Variants in TNR observed in about 807,000 individuals in gnomAD.
TNR encodes the protein tenascin-R.
In TNR, 45 loss-of-function variants were observed where a neutral mutation model predicts 150.4. The observed-to-expected ratio is 0.30, with a 90% CI of 0.24 to 0.38. The LOEUF is 0.38. Ranked by LOEUF, TNR falls within the 10% of genes least tolerant of loss-of-function variation. TNR has a pLI of 1.00. For missense variants in TNR, 1,544 were observed against 1,759.1 expected, an observed-to-expected ratio of 0.88 and a Z score of 2.19; for synonymous variants, 687 against 678.4, an observed-to-expected ratio of 1.01 and a Z score of -0.20.
chr1:175,600,062 G>A (rs987709185), intron 1 of TNR, among the ~76,000 whole-genome samples: 6 of 152,190 alleles, frequency 3.9e-5, no homozygotes, highest in African/African-American at 1.2e-4. Flanking sequence ...TGGTTAATTA[G>A]CACAGACTCT....
intron 1 of TNR, among the ~76,000 whole-genome samples, chr1:175,552,457 T>C (rs1201276739): frequency 2.0e-5 from 3 of 152,208 alleles, no homozygotes; most frequent in Non-Finnish European, 4.4e-5. Flanking sequence ...GCACATATGT[T>C]ATCTCGTTTG....
chr1:175,715,580 G>C (rs943759762), intron 1 of TNR, among the ~76,000 whole-genome samples: 1 of 152,190 alleles, frequency 6.6e-6, no homozygotes, highest in Non-Finnish European at 1.5e-5. Context: ...ACTCTTGAAG[G>C]CTGAGTATCA....
At chr1:175,578,900 GA>G (rs1453873219) in intron 1 of TNR, among the ~76,000 whole-genome samples, 2 of 152,178 alleles carry the variant, frequency 1.3e-5, no homozygotes, top group Non-Finnish European at 2.9e-5. Context: ...TGTCTAGGCA[GA>G]AGCCCCCTCC....
chr1:175,627,247 A>C (rs1406586803), intron 1 of TNR, among the ~76,000 whole-genome samples: 1 of 152,232 alleles, frequency 6.6e-6, no homozygotes, highest in African/African-American at 2.4e-5. Context: ...CCCTGGATTG[A>C]GAGTAAATGC....
At chr1:175,546,650 C>T (rs755222122) in intron 1 of TNR, among the ~76,000 whole-genome samples, 4 of 152,170 alleles carry the variant, frequency 2.6e-5, no homozygotes, top group Non-Finnish European at 5.9e-5. Context: ...GTGTGAGTGG[C>T]CTTTCATCAC....
intron 1 of TNR, among the ~76,000 whole-genome samples, chr1:175,589,009 G>T (rs1398105169): frequency 6.6e-6 from 1 of 152,010 alleles, no homozygotes. Context: ...CTGCCTGGGG[G>T]ATACCCATTC....
intron 18 of TNR, among the ~76,000 whole-genome samples, chr1:175,348,885 A>G (rs1450171841): frequency 6.6e-6 from 1 of 152,238 alleles, no homozygotes; most frequent in East Asian, 1.9e-4. Context: ...TCAAATAATA[A>G]TAGCTAATAT....
At chr1:175,710,983 C>T (rs572312270) in intron 1 of TNR, among the ~76,000 whole-genome samples, 61 of 150,800 alleles carry the variant, frequency 4.0e-4, no homozygotes, top group South Asian at 4.2e-4. Flanking sequence ...TATACGGCAC[C>T]TCCTCCACTT....
chr1:175,315,812 ATG>A lies in TNR; in HGVS notation c.*7543_*7544del, dbSNP rs3030866. The A allele has an allele frequency of 0.65, 95,569 of 146,742 alleles. 30,892 individuals are homozygous for A. Among genetic ancestry groups the A allele is most frequent in the South Asian group, 0.72 (3,258 of 4,550 alleles). The allele number at this position is 146,742 out of a possible 1,614,324, so 9.1% of individuals were successfully genotyped here. A position where few individuals can be genotyped will look rare whatever the true frequency, so the allele number is the denominator to read the frequency against. On this transcript the variant is annotated 3_prime_UTR_variant, in exon 23 of 23. Transcript: ENST00000367674. ...TGTGTGCATGCATGTGTGTGTGTGC[ATG>A]TGTGTGTGTGTGTGTGTGTGTGTGT...
chr1:175,514,525 C>T (rs548532436), intron 2 of TNR, among the ~76,000 whole-genome samples: 1 of 152,318 alleles, frequency 6.6e-6, no homozygotes, highest in Non-Finnish European at 1.5e-5. Flanking sequence ...CAGATACATC[C>T]CTTCCAGCAG....
chr1:175,406,860 G>T (rs1411412864), intron 2 of TNR, 83 bp from the exon 3 acceptor site: 13 of 1,056,196 alleles, frequency 1.2e-5, no homozygotes, highest in African/African-American at 5.3e-5. Context: ...CAAAGCTCAG[G>T]AGTAGGCAGC....
chr1:175,730,000 T>C (rs941878878), intron 1 of TNR, among the ~76,000 whole-genome samples: 6 of 152,306 alleles, frequency 3.9e-5, no homozygotes, highest in Middle Eastern at 3.4e-3. Context: ...TCCTACAACA[T>C]AGCTTAAGAT....
intron 1 of TNR, among the ~76,000 whole-genome samples, chr1:175,598,354 C>A (rs1228988763): frequency 6.6e-6 from 1 of 152,204 alleles, no homozygotes; most frequent in African/African-American, 2.4e-5. Flanking sequence ...ATGACTTGAT[C>A]AAGATCACTT....
chr1:175,493,840 G>GA lies in TNR; in HGVS notation c.-64+34428dup, dbSNP rs553949451. On this transcript the variant is annotated intron_variant, in intron 2 of 22. Transcript: ENST00000367674. ...TGGCCACAAATAGCTGCACCGACTTGAAAAAAACGCCCACTCCTCTGAAAC... is the reference window on the plus strand; with the variant it reads ...TGGCCACAAATAGCTGCACCGACTTGAAAAAAAACGCCCACTCCTCTGAAAC... 1.1e-3 allele frequency among the ~76,000 whole-genome samples: 160 copies of GA among 152,038 alleles called. 2 individuals are homozygous for GA. The highest frequency in any genetic ancestry group is 3.4e-3 in the Middle Eastern group (1 of 294).
intron 2 of TNR, among the ~76,000 whole-genome samples, chr1:175,454,882 A>G (rs4652094): frequency 0.27 from 41,695 of 152,064 alleles, 6,044 homozygotes; most frequent in Admixed American, 0.38. Flanking sequence ...GTATGGCTAC[A>G]AGTTCTTTTC....
intron 1 of TNR, among the ~76,000 whole-genome samples, chr1:175,566,257 T>C (rs1661640088): frequency 6.6e-6 from 1 of 152,224 alleles, no homozygotes; most frequent in African/African-American, 2.4e-5. Flanking sequence ...CCTTTTACCC[T>C]ATGATGTAGT....
intron 5 of TNR, among the ~76,000 whole-genome samples, chr1:175,396,046 A>T (rs1653410284): frequency 6.6e-6 from 1 of 152,252 alleles, no homozygotes. Context: ...ACAAAAGACC[A>T]GGAGGAAATT....
Position 175,592,979 on chromosome 1 carries a change from A to G in TNR, c.-164-64610T>C, listed in dbSNP as rs116302363. On this transcript the variant is annotated intron_variant, in intron 1 of 22. Transcript: ENST00000367674. ...GTTGTTTTGGTGGGTATCTACCTAC[A>G]GTGCTGGAAGATACATCCCTGTTGT... Among the ~76,000 whole-genome samples the G allele has an allele frequency of 4.7e-3, 711 of 152,320 alleles. 4 individuals are homozygous for G. Among genetic ancestry groups the G allele is most frequent in the Non-Finnish European group, 7.7e-3 (522 of 68,026 alleles).
intron 2 of TNR, among the ~76,000 whole-genome samples, chr1:175,445,129 G>A (rs556440469): frequency 1.3e-5 from 2 of 152,288 alleles, no homozygotes; most frequent in South Asian, 2.1e-4. Flanking sequence ...AATTAGCTAG[G>A]TGTGGTGGCA....
Sources: gnomAD v4.1 joint callset for allele counts (sites outside exome capture counted in the v4.1 genomes callset) on GRCh38, gnomAD v4.1.1 for gene constraint, MANE v1.5 for transcripts, NCBI Gene and HGNC (gene_info 2026-07-23, HGNC 2026-07-21) for gene names.